Variants in AKT3 observed in about 807,000 individuals in gnomAD.
AKT3 encodes RAC-gamma serine/threonine-protein kinase.
A neutral mutation model predicts 65.3 loss-of-function variants in AKT3; 15 were observed. The observed-to-expected ratio is 0.23, with a 90% confidence interval of 0.15 to 0.35. The LOEUF (loss-of-function observed/expected upper bound fraction) is 0.35, where lower values mean the gene tolerates loss of function less well. Among genes scored for constraint, AKT3 ranks in the 10% least tolerant of loss-of-function variants. The pLI is 1.00. For missense variants in AKT3, 243 were observed against 576.5 expected (o/e 0.42, Z 5.92); for synonymous variants, 206 against 183.8 (o/e 1.12, Z -0.98).
chr1:243,714,483 A>G (rs1292295268), intron 2 of AKT3, among the ~76,000 whole-genome samples: 1 of 152,344 alleles, frequency 6.6e-6, no homozygotes, highest in Non-Finnish European at 1.5e-5. Flanking sequence ...ATATGTCACC[A>G]TAAGAATAAT....
chr1:243,765,279 G>A (rs1240303102), intron 2 of AKT3, among the ~76,000 whole-genome samples: 1 of 151,896 alleles, frequency 6.6e-6, no homozygotes, highest in East Asian at 1.9e-4. Flanking sequence ...AAAAGAAATA[G>A]AAGTGACTAA....
In AKT3 at chr1:243,512,546, C is replaced by T. The variant is rs180881224; in HGVS notation, c.1252-120G>A. 1.2e-3 allele frequency: 781 copies of T among 645,952 alleles called. 3 individuals carry two copies. Among genetic ancestry groups the T allele is most frequent in the African/African-American group, 0.01 (539 of 52,900 alleles). The allele number at this position is 645,952 out of a possible 1,614,324, so 40.0% of individuals were successfully genotyped here. A position where few individuals can be genotyped will look rare whatever the true frequency, so the allele number is the denominator to read the frequency against. Reference sequence around the variant, plus strand: ...AGAACAAAAGTCTACAATGCTGAGTCGCTGGGTAAGGGAGACATGATATTT... The same window carrying T: ...AGAACAAAAGTCTACAATGCTGAGTTGCTGGGTAAGGGAGACATGATATTT... On this transcript the variant is annotated intron_variant, in intron 12 of 13. Transcript: ENST00000673466.
At chr1:243,548,771 A>T (rs1672845829) in intron 11 of AKT3, among the ~76,000 whole-genome samples, 1 of 152,230 alleles carries the variant, frequency 6.6e-6, no homozygotes, top group Admixed American at 6.5e-5. Context: ...AACTCCGCAT[A>T]GGAAGATAAA....
At chr1:243,554,179 T>C (rs1467937385) in intron 10 of AKT3, among the ~76,000 whole-genome samples, 1 of 152,180 alleles carries the variant, frequency 6.6e-6, no homozygotes, top group African/African-American at 2.4e-5. Context: ...AAAGGCACTT[T>C]GGTAGGGTAT....
At chr1:243,843,656 GTTT>G (rs113990784) in intron 1 of AKT3, 21 of 628,174 alleles carry the variant, frequency 3.3e-5, no homozygotes, top group Non-Finnish European at 3.7e-5. Flanking sequence ...TAAATTTTTT[GTTT>G]TTTTTTTTTT....
intron 2 of AKT3, among the ~76,000 whole-genome samples, chr1:243,728,176 T>C (rs1489506436): frequency 1.3e-5 from 2 of 152,182 alleles, no homozygotes; most frequent in Admixed American, 6.5e-5. Flanking sequence ...GCATCAACGA[T>C]TCAATAGAAA....
intron 2 of AKT3, among the ~76,000 whole-genome samples, chr1:243,762,914 G>A (rs1038254201): frequency 1.3e-5 from 2 of 151,874 alleles, no homozygotes; most frequent in African/African-American, 4.8e-5. Context: ...AACAACTTAT[G>A]AAAGCAAAAA....
rs200534356 is a variant in AKT3, at chr1:243,645,948, A to G, written c.374T>C (p.Ile125Thr). The change falls in exon 5 of 14, where the codon ATT becomes ACT. Residue 125 changes from isoleucine to threonine, a missense_variant. Ile to Thr is a moderately conservative substitution (Grantham distance 89, BLOSUM62 -1). Transcript: ENST00000673466. Reference protein sequence around the residue: ...ERMNCSPTSQIDNIGEEEMDA... With the variant: ...ERMNCSPTSQTDNIGEEEMDA... ...CATCTCTTCCTCTCCTATATTATCA[A>G]TTTGTGAAGTTGGACTACAATTCAT... 6.2e-7 allele frequency: 1 copy of G among 1,612,614 alleles called. No individual in the cohort carries two copies. Among genetic ancestry groups the G allele is most frequent in the Non-Finnish European group, 8.5e-7 (1 of 1,178,852 alleles).
At chr1:243,527,873 ACACACAC>A (rs1671222617) in intron 12 of AKT3, among the ~76,000 whole-genome samples, 5 of 44,908 alleles carry the variant, frequency 1.1e-4, no homozygotes, top group Admixed American at 2.5e-4. Flanking sequence ...CTCTTAAAAC[ACACACAC>A]ACACACACAC....
At chr1:243,700,686 TA>T (rs1685392856) in intron 2 of AKT3, among the ~76,000 whole-genome samples, 1 of 152,048 alleles carries the variant, frequency 6.6e-6, no homozygotes, top group East Asian at 1.9e-4. Context: ...GTATTTTTAG[TA>T]GAGACAGGGT....
At chr1:243,832,229 T>C (rs1242229425) in intron 2 of AKT3, among the ~76,000 whole-genome samples, 1 of 150,252 alleles carries the variant, frequency 6.7e-6, no homozygotes, top group African/African-American at 2.5e-5. Flanking sequence ...GAAAAAGCTA[T>C]CTTTCTAGAT....
intron 2 of AKT3, among the ~76,000 whole-genome samples, chr1:243,802,946 T>C (rs771004137): frequency 3.3e-5 from 5 of 152,102 alleles, no homozygotes; most frequent in Non-Finnish European, 7.4e-5. Context: ...GCCAGGAGTT[T>C]AAGACCCACC....
intron 2 of AKT3, among the ~76,000 whole-genome samples, chr1:243,784,110 G>C (rs1368632891): frequency 6.6e-6 from 1 of 152,118 alleles, no homozygotes; most frequent in East Asian, 1.9e-4. Flanking sequence ...AATGGATGAC[G>C]TGACAGAGAT....
At chr1:243,640,765 G>T (rs1467237189) in intron 5 of AKT3, among the ~76,000 whole-genome samples, 1 of 152,176 alleles carries the variant, frequency 6.6e-6, no homozygotes, top group Admixed American at 6.5e-5. Flanking sequence ...ATGCATGCAA[G>T]ACCAACAGAG....
intron 8 of AKT3, among the ~76,000 whole-genome samples, chr1:243,588,931 A>G (rs756484368): frequency 3.3e-5 from 5 of 152,180 alleles, no homozygotes; most frequent in Non-Finnish European, 7.3e-5. Flanking sequence ...AGCAAAGAAA[A>G]CAATCAACAG....
intron 2 of AKT3, chr1:243,735,727 G>A (rs1687804481): frequency 6.6e-6 from 1 of 152,068 alleles, no homozygotes; most frequent in African/African-American, 2.4e-5. Flanking sequence ...GCAAAAGTGG[G>A]TGCATGCTCA....
intron 2 of AKT3, among the ~76,000 whole-genome samples, chr1:243,794,703 C>G (rs921526950): frequency 6.6e-6 from 1 of 152,238 alleles, no homozygotes; most frequent in Non-Finnish European, 1.5e-5. Context: ...TTTAATCATT[C>G]TGATTTCTCC....
chr1:243,574,825 A>G (rs1025626416), intron 8 of AKT3, among the ~76,000 whole-genome samples: 1 of 152,148 alleles, frequency 6.6e-6, no homozygotes, highest in African/African-American at 2.4e-5. Flanking sequence ...TCTTCTAATG[A>G]GATGAAAATA....
At chr1:243,761,852 A>C (rs1689511691) in intron 2 of AKT3, among the ~76,000 whole-genome samples, 1 of 152,176 alleles carries the variant, frequency 6.6e-6, no homozygotes, top group South Asian at 2.1e-4. Context: ...GAAATATAAT[A>C]AGTATTTTCT....
Sources: allele counts gnomAD v4.1 joint callset (sites outside exome capture counted in the v4.1 genomes callset), GRCh38; gene constraint gnomAD v4.1.1; transcripts MANE v1.5; gene names NCBI Gene and HGNC (gene_info 2026-07-23, HGNC 2026-07-21).